The following TNFRSF19 variants were observed in gnomAD, a reference collection of about 807,000 sequenced individuals.
TNFRSF19 encodes the protein TNF receptor superfamily member 19, also known as tumor necrosis factor receptor superfamily member 19.
A neutral mutation model predicts 46.4 loss-of-function variants in TNFRSF19; 27 were observed. The ratio of observed to expected loss-of-function variants is 0.58; its 90% CI spans 0.43 to 0.80. The LOEUF is 0.80. Ranked by LOEUF, TNFRSF19 falls within the 30% of genes least tolerant of loss-of-function variation. The pLI is 0.00. For missense variants in TNFRSF19, 511 were observed against 530.8 expected, an observed-to-expected ratio of 0.96 and a Z score of 0.37; for synonymous variants, 204 against 205.0, an observed-to-expected ratio of 1.00 and a Z score of 0.04.
intron 3 of TNFRSF19, among the ~76,000 whole-genome samples, chr13:23,606,809 C>T (rs1482067554): frequency 1.3e-5 from 2 of 152,080 alleles, no homozygotes; most frequent in Admixed American, 1.3e-4. Context: ...TTTTTATTTT[C>T]CACCCCACTT....
chr13:23,660,242 G>A, intron 6 of TNFRSF19, 123 bp from the exon 7 acceptor site: 2 of 983,636 alleles, frequency 2.0e-6, no homozygotes, highest in Non-Finnish European at 3.0e-6. Context: ...TTCCATGTAA[G>A]AAGAAGTCAT....
At chr13:23,662,182 T>C (rs1260559419) in intron 7 of TNFRSF19, among the ~76,000 whole-genome samples, 1 of 152,214 alleles carries the variant, frequency 6.6e-6, no homozygotes, top group Non-Finnish European at 1.5e-5. Context: ...TACATGTAAG[T>C]CTTTAGTCCA....
At chr13:23,638,387 G>A (rs1453675825) in intron 5 of TNFRSF19, among the ~76,000 whole-genome samples, 5 of 152,172 alleles carry the variant, frequency 3.3e-5, no homozygotes, top group Non-Finnish European at 7.4e-5. Context: ...GAGTTGCTCC[G>A]GCATAATGGG....
chr13:23,604,983 T>A (rs879622102), intron 3 of TNFRSF19, among the ~76,000 whole-genome samples: 1 of 152,130 alleles, frequency 6.6e-6, no homozygotes, highest in Non-Finnish European at 1.5e-5. Context: ...TAATTAAAAT[T>A]GAAAATTTCC....
chr13:23,659,030 C>T lies in TNFRSF19; in HGVS notation c.446-20C>T. 1 of 1,612,594 alleles carries T rather than the reference C, an allele frequency of 6.2e-7. No homozygotes were observed. The highest frequency in any genetic ancestry group is 8.5e-7 in the Non-Finnish European group (1 of 1,180,004). On this transcript the variant is annotated intron_variant, in intron 5 of 9. Coordinates refer to ENST00000248484, the MANE Select transcript of TNFRSF19 (RefSeq NM_148957.4). The surrounding 1 kb of genome is among the most constrained non-coding windows in gnomAD (Gnocchi z 4.9). ...TCTGCAGTTGTTCAGAGCATGCTGA[C>T]CCCATTCCTGTGGTTTCAGGTGCCA...
At chr13:23,624,789 T>C (rs2138283948) in intron 4 of TNFRSF19, among the ~76,000 whole-genome samples, 1 of 152,146 alleles carries the variant, frequency 6.6e-6, no homozygotes, top group East Asian at 1.9e-4. Context: ...TCACTCTTGT[T>C]GCCCAGGCTG....
At chr13:23,619,917 T>C (rs551903164) in intron 4 of TNFRSF19, among the ~76,000 whole-genome samples, 2 of 152,362 alleles carry the variant, frequency 1.3e-5, no homozygotes, top group East Asian at 3.9e-4. Context: ...GCCTGGTTCC[T>C]CCTGCTTCCC....
At chr13:23,582,849 C>T (rs965588941) in intron 1 of TNFRSF19, among the ~76,000 whole-genome samples, 6 of 152,192 alleles carry the variant, frequency 3.9e-5, no homozygotes, top group African/African-American at 9.7e-5. Context: ...GCTTCTTTCA[C>T]TCACAATAAT....
rs565350634 is a variant in TNFRSF19 at position 23,656,543 on chromosome 13, G to T, written c.446-2507G>T. 4.7e-4 allele frequency among the ~76,000 whole-genome samples: 72 copies of T among 152,272 alleles called. No homozygotes were observed. The South Asian group carries it at 7.5e-3, about 16-fold the overall frequency. ...GATTTTTCTGAATATCCAGTTTTGT[G>T]TCAATTGATGAGCTTAATGGTTACA... On this transcript the variant is annotated intron_variant, in intron 5 of 9. Transcript: ENST00000248484.
intron 7 of TNFRSF19, among the ~76,000 whole-genome samples, chr13:23,661,754 A>G (rs1423791867): frequency 6.6e-6 from 1 of 152,152 alleles, no homozygotes; most frequent in Admixed American, 6.5e-5. Context: ...GTGAGATGGT[A>G]TCTCTTTGTG....
At chr13:23,652,178 A>C (rs1053608123) in intron 5 of TNFRSF19, among the ~76,000 whole-genome samples, 2 of 152,198 alleles carry the variant, frequency 1.3e-5, no homozygotes, top group Non-Finnish European at 2.9e-5. Flanking sequence ...CCTGTGGTTA[A>C]CTGCTCTCTA....
chr13:23,636,498 G>A (rs1566201808), intron 5 of TNFRSF19, among the ~76,000 whole-genome samples: 2 of 152,180 alleles, frequency 1.3e-5, no homozygotes, highest in African/African-American at 2.4e-5. Flanking sequence ...TAAGATATCC[G>A]TATCACTGAT....
chr13:23,590,306 T>A, intron 2 of TNFRSF19, 54 bp downstream of exon 2: 1 of 1,088,854 alleles, frequency 9.2e-7, no homozygotes, highest in Non-Finnish European at 1.4e-6. Context: ...ATTCATGTAC[T>A]AATAAGTAGT....
chr13:23,589,870 G>A (rs915442887), intron 1 of TNFRSF19, among the ~76,000 whole-genome samples: 7 of 152,300 alleles, frequency 4.6e-5, no homozygotes, highest in Middle Eastern at 3.4e-3. Flanking sequence ...TAGAGAACAT[G>A]GGTAGAAAAT....
At position 23,668,925 on chromosome 13, in the gene TNFRSF19, G is replaced by A; in HGVS notation, c.1073G>A (p.Gly358Glu). The A allele has an allele frequency of 6.2e-7, 1 of 1,614,158 alleles. No homozygotes were observed. Among genetic ancestry groups the A allele is most frequent in the Non-Finnish European group, 8.5e-7 (1 of 1,180,016 alleles). The change falls in exon 9 of 10, where the codon GGG becomes GAG. Residue 358 changes from glycine (G) to glutamate (E), a missense_variant. Physicochemically the swap from Gly to Glu is moderately conservative, Grantham distance 98 (BLOSUM62 -2). Around this residue, in one of 3 missense-constraint regions of TNFRSF19, gnomAD observed 376 missense variants for 372.7 expected, o/e 1.01. Transcript: ENST00000248484. ...DSNSSQDLVG[G>E]AVPVQSHSEN... ...AATAGCAGTCAAGATTTGGTTGGTG[G>A]GGCTGTTCCAGTCCAGTCTCATTCT... is the stretch of plus-strand genomic sequence containing the variant.
intron 3 of TNFRSF19, among the ~76,000 whole-genome samples, chr13:23,594,022 C>A (rs758119220): frequency 6.6e-6 from 1 of 152,174 alleles, no homozygotes; most frequent in Non-Finnish European, 1.5e-5. Flanking sequence ...TCCCCCTCAC[C>A]AAGGGAAGCC....
chr13:23,616,857 G>A (rs999885333), intron 4 of TNFRSF19, among the ~76,000 whole-genome samples: 1 of 152,180 alleles, frequency 6.6e-6, no homozygotes, highest in African/African-American at 2.4e-5. Flanking sequence ...GGGATTACAG[G>A]TGTGAGCCAC....
At chr13:23,581,387 C>T (rs1028366474) in intron 1 of TNFRSF19, among the ~76,000 whole-genome samples, 4 of 151,978 alleles carry the variant, frequency 2.6e-5, no homozygotes, top group African/African-American at 7.2e-5. Flanking sequence ...ACCGCGTGAT[C>T]CGCCTGCCTC....
Position 23,659,800 on chromosome 13 carries a change from G to A in TNFRSF19, c.611-565G>A, listed in dbSNP as rs973641139. On this transcript the variant is annotated intron_variant, in intron 6 of 9. Transcript: ENST00000248484. The surrounding 1 kb of genome is among the most constrained non-coding windows in gnomAD (Gnocchi z 4.9). The stretch of plus-strand genomic sequence containing the variant: ...GATGACAGATGTGAGCCACTGCACC[G>A]GCCTATTATATGTATTATGCCCTGT... 7.2e-5 allele frequency among the ~76,000 whole-genome samples: 11 copies of A among 152,084 alleles called. No individual in the cohort carries two copies. The highest frequency in any genetic ancestry group is 7.2e-5 in the African/African-American group (3 of 41,422).
Sources: allele counts gnomAD v4.1 joint callset (sites outside exome capture counted in the v4.1 genomes callset), GRCh38; gene constraint gnomAD v4.1.1; regional missense constraint gnomAD v4.1.1; non-coding constraint Gnocchi (gnomAD v3.1); transcripts MANE v1.5; gene names NCBI Gene and HGNC (gene_info 2026-07-23, HGNC 2026-07-21).